TNRC6A: variants seen among roughly 807,000 people sequenced by gnomAD.
TNRC6A encodes the protein trinucleotide repeat-containing gene 6A protein.
In TNRC6A, 44 loss-of-function variants were observed where a neutral mutation model predicts 221.2. The observed-to-expected ratio is 0.20, with a 90% CI of 0.16 to 0.26. The LOEUF is 0.26. Among genes scored for constraint, TNRC6A ranks in the 10% least tolerant of loss-of-function variants. The pLI is 1.00. For missense variants in TNRC6A, 2,199 were observed against 2,404.4 expected (o/e 0.91, Z 1.79); for synonymous variants, 847 against 838.5 (o/e 1.01, Z -0.18).
intron 2 of TNRC6A, among the ~76,000 whole-genome samples, chr16:24,744,126 C>T (rs528506962): frequency 2.0e-5 from 3 of 152,194 alleles, no homozygotes; most frequent in South Asian, 4.2e-4. Context: ...TGTATTTGTC[C>T]GTTATTTCCT....
Position 24,690,299 on chromosome 16 carries a change from C to T in TNRC6A, n.402+49290C>T, listed in dbSNP as rs200008860. 4.6e-5 allele frequency among the ~76,000 whole-genome samples: 7 copies of T among 151,878 alleles called. No homozygotes were observed. In the East Asian group the frequency reaches 7.7e-4, roughly 17 times the overall value. ...TGCTGAGATTACAGGCATAAGCCAC[C>T]GTGCCTGGACAAGAAAAAAAAATTT... On this transcript the variant is annotated intron_variant and non_coding_transcript_variant, in intron 2 of 2. Coordinates refer to the TNRC6A transcript ENST00000566108.
chr16:24,716,993 AAT>A (rs1460848108), intron 2 of TNRC6A, among the ~76,000 whole-genome samples: 1 of 88,842 alleles, frequency 1.1e-5, no homozygotes, highest in African/African-American at 3.6e-5. Flanking sequence ...AGAAAACTTG[AAT>A]GAATGAATAG....
At chr16:24,694,945 A>G (rs751475287) in intron 2 of TNRC6A, among the ~76,000 whole-genome samples, 4 of 152,126 alleles carry the variant, frequency 2.6e-5, no homozygotes, top group Admixed American at 6.6e-5. Context: ...CAAATTTGGA[A>G]TCACTGTGAG....
chr16:24,766,972 C>T (rs955849141), intron 4 of TNRC6A, among the ~76,000 whole-genome samples: 10 of 152,146 alleles, frequency 6.6e-5, no homozygotes, highest in East Asian at 3.8e-4. Flanking sequence ...CCACTGTGCT[C>T]GGCCACACTT....
intron 2 of TNRC6A, among the ~76,000 whole-genome samples, chr16:24,721,813 C>G (rs570682377): frequency 4.7e-4 from 71 of 152,116 alleles, no homozygotes; most frequent in Non-Finnish European, 9.7e-4. Context: ...TACTTGGCAG[C>G]AATAAAAAGG....
At chr16:24,758,395 T>C (rs771251564) in intron 4 of TNRC6A, 35 bp downstream of exon 4, 35 of 1,604,430 alleles carry the variant, frequency 2.2e-5, no homozygotes, top group Non-Finnish European at 2.6e-5. Flanking sequence ...ATCCCTTTTT[T>C]CATTAAAGCA....
intron 2 of TNRC6A, among the ~76,000 whole-genome samples, chr16:24,669,971 A>G (rs1447728352): frequency 1.1e-4 from 1 of 9,512 alleles, no homozygotes; most frequent in Middle Eastern, 0.062. Context: ...TTTTTTTTAG[A>G]CAGAGTCTCA....
intron 2 of TNRC6A, chr16:24,663,939 G>A: frequency 2.2e-6 from 1 of 456,712 alleles, no homozygotes; most frequent in Non-Finnish European, 4.4e-6. Context: ...TGCAGGAACA[G>A]GTGAAGAGCC....
intron 1 of TNRC6A, among the ~76,000 whole-genome samples, chr16:24,631,570 G>C (rs767012267): frequency 6.6e-6 from 1 of 152,044 alleles, no homozygotes; most frequent in African/African-American, 2.4e-5. Context: ...TTAAGAGTTC[G>C]AGACCAGCCT....
intron 2 of TNRC6A, among the ~76,000 whole-genome samples, chr16:24,687,461 T>C (rs536078523): frequency 4.1e-4 from 62 of 152,176 alleles, no homozygotes; most frequent in African/African-American, 1.4e-3. Flanking sequence ...TTCTTGGCCC[T>C]ATCACCTTGG....
chr16:24,811,417 A>G (rs1276200205), intron 18 of TNRC6A, among the ~76,000 whole-genome samples: 1 of 152,174 alleles, frequency 6.6e-6, no homozygotes, highest in Non-Finnish European at 1.5e-5. Flanking sequence ...TGACATGTAT[A>G]GAAGGAGATT....
rs376459814 is a variant in TNRC6A at position 24,695,933 on chromosome 16, G to T, written n.403-54793G>T. Among the ~76,000 whole-genome samples, 10 of 152,270 alleles carry T rather than the reference G, an allele frequency of 6.6e-5. No individual in the cohort carries two copies. The South Asian group carries it at 2.1e-3, about 32-fold the overall frequency. The stretch of plus-strand genomic sequence containing the variant: ...CAACCCCCTTGAGCTTGGAATTAAT[G>T]GGATTCCCACCAGCATTTGGCTGAG... On this transcript the variant is annotated intron_variant and non_coding_transcript_variant, in intron 2 of 2. Transcript: ENST00000566108.
chr16:24,728,416 C>T (rs1384306403), upstream of TNRC6A, among the ~76,000 whole-genome samples: 1 of 151,664 alleles, frequency 6.6e-6, no homozygotes, highest in African/African-American at 2.4e-5. Context: ...CACTGCACTC[C>T]AGCCTGGGAG....
At chr16:24,653,235 G>A (rs1451612509) in intron 2 of TNRC6A, among the ~76,000 whole-genome samples, 1 of 152,118 alleles carries the variant, frequency 6.6e-6, no homozygotes, top group Non-Finnish European at 1.5e-5. Flanking sequence ...ACAAGGGAGC[G>A]TTCACCTCAG....
intron 2 of TNRC6A, chr16:24,663,769 C>T: frequency 5.5e-6 from 2 of 360,912 alleles, no homozygotes; most frequent in South Asian, 4.1e-5. Flanking sequence ...GATCAGTTAC[C>T]CAGTGTCCAG....
chr16:24,684,509 T>G (rs1251075623), intron 2 of TNRC6A, among the ~76,000 whole-genome samples: 1 of 152,164 alleles, frequency 6.6e-6, no homozygotes, highest in Admixed American at 6.5e-5. Context: ...TCTTTTTCAG[T>G]GTTTTAAAAT....
At chr16:24,635,123 T>TC (rs1567313758) in intron 1 of TNRC6A, among the ~76,000 whole-genome samples, 2 of 74,276 alleles carry the variant, frequency 2.7e-5, no homozygotes, top group African/African-American at 2.3e-4. Flanking sequence ...TTCTTTTCTT[T>TC]CTTTTTCTTT....
At chr16:24,685,418 C>T (rs2055607479) in intron 2 of TNRC6A, among the ~76,000 whole-genome samples, 1 of 152,084 alleles carries the variant, frequency 6.6e-6, no homozygotes, top group Admixed American at 6.6e-5. Context: ...CTCACTGCAA[C>T]CTCCGCCTCC....
In TNRC6A at chr16:24,797,586, T is replaced by A; in HGVS notation, c.3642+16T>A. 1 of 1,567,202 alleles carries A rather than the reference T, an allele frequency of 6.4e-7. No individual in the cohort carries two copies. The highest frequency in any genetic ancestry group is 8.7e-7 in the Non-Finnish European group (1 of 1,143,690). On this transcript the variant is annotated intron_variant, in intron 10 of 24. Transcript: ENST00000395799. ...CAGTTTTTCGGTAAGTATGTTTTCTTAGCAGCTCCTTCCTCTTTTAATGGT... is the reference window on the plus strand; with the variant it reads ...CAGTTTTTCGGTAAGTATGTTTTCTAAGCAGCTCCTTCCTCTTTTAATGGT...
Sources: gnomAD v4.1 joint callset for allele counts (sites outside exome capture counted in the v4.1 genomes callset) on GRCh38, gnomAD v4.1.1 for gene constraint, MANE v1.5 for transcripts, NCBI Gene and HGNC (gene_info 2026-07-23, HGNC 2026-07-21) for gene names.